The following UTP20 variants were observed in gnomAD, a reference collection of about 807,000 sequenced individuals.
UTP20 encodes the protein UTP20 small subunit processome component.
UTP20 carries 164 observed loss-of-function variants against 329.5 expected under a neutral mutation model. That is an observed-to-expected ratio of 0.50 (90% confidence interval 0.44 to 0.57). UTP20 has a LOEUF of 0.57. UTP20 is among the 20% of genes least tolerant of loss of function. The probability of loss-of-function intolerance (pLI) is 0.00; values close to 1 mark genes in which losing one functional copy is unlikely to be tolerated. For synonymous variants in UTP20, 1,151 were observed against 1,159.3 expected (o/e 0.99, Z 0.14); for missense variants, 3,055 against 3,284.2 (o/e 0.93, Z 1.71).
intron 40 of UTP20, 71 bp from the exon 41 acceptor site, chr12:101,354,761 A>G: frequency 6.6e-7 from 1 of 1,520,354 alleles, no homozygotes; most frequent in South Asian, 1.3e-5. Flanking sequence ...GTTGGTGGGA[A>G]AAACTGCTTA....
At chr12:101,297,869 G>T (rs1337669494) in intron 12 of UTP20, among the ~76,000 whole-genome samples, 1 of 152,116 alleles carries the variant, frequency 6.6e-6, no homozygotes, top group African/African-American at 2.4e-5. Context: ...TCCCAGGAGG[G>T]TGACGTGTTA....
chr12:101,287,646 T>C (rs1872003002), intron 5 of UTP20, among the ~76,000 whole-genome samples: 1 of 152,232 alleles, frequency 6.6e-6, no homozygotes, highest in East Asian at 1.9e-4. Context: ...TTTTCTGTCA[T>C]TAATACTAAC....
At chr12:101,346,682 G>A in intron 38 of UTP20, 94 bp downstream of exon 38, 2 of 1,259,888 alleles carry the variant, frequency 1.6e-6, no homozygotes, top group South Asian at 1.7e-5. Context: ...TTGTGTTGAT[G>A]TCATCACCAT....
chr12:101,348,428 A>AT (rs1869402943), intron 38 of UTP20, among the ~76,000 whole-genome samples: 1 of 151,502 alleles, frequency 6.6e-6, no homozygotes. Context: ...TTATTGAGGG[A>AT]TTTTTGCCAT....
chr12:101,365,072 T>TG lies in UTP20; in HGVS notation c.5959-387_5959-386insG, dbSNP rs1555202433. On this transcript the variant is annotated intron_variant, in intron 45 of 61. Coordinates refer to ENST00000261637, the MANE Select transcript of UTP20 (RefSeq NM_014503.3). ...ATGAGGAGTGAATACATTTTGTTGA[T>TG]TGTGTGTGTGTGTGTGTGTGTGTGT... 1.8e-3 allele frequency among the ~76,000 whole-genome samples: 250 copies of TG among 142,010 alleles called. 3 individuals carry two copies. The highest frequency in any genetic ancestry group is 0.011 in the South Asian group (49 of 4,384). 93.2% of individuals were successfully genotyped at this position (142,010 alleles called of 152,430 possible).
chr12:101,319,775 T>A (rs974127864), intron 23 of UTP20, 140 bp downstream of exon 23: 10 of 623,712 alleles, frequency 1.6e-5, no homozygotes, highest in Middle Eastern at 4.4e-4. Context: ...TTTTTTTTTT[T>A]AATTAATAGA....
intron 57 of UTP20, among the ~76,000 whole-genome samples, chr12:101,379,999 C>T (rs1870590499): frequency 2.6e-5 from 4 of 151,932 alleles, no homozygotes; most frequent in Non-Finnish European, 5.9e-5. Flanking sequence ...AGTTCTTTAT[C>T]GGCATTGGAA....
intron 45 of UTP20, 74 bp downstream of exon 45, chr12:101,363,817 CAA>C (rs1870010567): frequency 1.1e-6 from 1 of 947,734 alleles, no homozygotes; most frequent in African/African-American, 1.6e-5. Context: ...CCATGCGGGG[CAA>C]ACTGAAACAC....
chr12:101,377,276 A>T (rs1208317611), intron 56 of UTP20, among the ~76,000 whole-genome samples: 1 of 152,236 alleles, frequency 6.6e-6, no homozygotes, highest in East Asian at 1.9e-4. Flanking sequence ...ATATAGCAGC[A>T]AGACTAAAAC....
chr12:101,383,528 G>T lies in UTP20; in HGVS notation c.7930-15G>T. 1 of 1,608,638 alleles carries T rather than the reference G, an allele frequency of 6.2e-7. No individual in the cohort carries two copies. Among genetic ancestry groups the T allele is most frequent in the Non-Finnish European group, 8.5e-7 (1 of 1,177,658 alleles). ...GAGAAGTCTTTCAAATGAAAAAAATGATCTGTACTTTCAGAGAACATGCAT... is the reference window on the plus strand; with the variant it reads ...GAGAAGTCTTTCAAATGAAAAAAATTATCTGTACTTTCAGAGAACATGCAT... On this transcript the variant is annotated splice_polypyrimidine_tract_variant and intron_variant, in intron 59 of 61. Transcript: ENST00000261637.
At position 101,317,545 on chromosome 12, in the gene UTP20, A is replaced by G. The variant is rs1476549009; in HGVS notation, c.2620A>G (p.Met874Val). Reference sequence around the variant, plus strand: ...GGATCTACGGAGAAAAGGCAAAGGGATGGTGGCAGAGGAAATCGAAGAGGA... The same window carrying G: ...GGATCTACGGAGAAAAGGCAAAGGGGTGGTGGCAGAGGAAATCGAAGAGGA... ...TQDLRRKGKG[M>V]VAEEIEEEPA... The change falls in exon 22 of 62, where the codon ATG becomes GTG. Residue 874 changes from methionine to valine, a missense_variant. By Grantham distance (21) the Met-to-Val change is conservative (BLOSUM62 1). This residue lies in a region of UTP20 where 2,445 missense variants were observed against 2,575.5 expected (regional missense o/e 0.95). Transcript: ENST00000261637. 3 of 1,614,068 alleles carry G rather than the reference A, an allele frequency of 1.9e-6. No homozygotes were observed. The highest frequency in any genetic ancestry group is 2.5e-6 in the Non-Finnish European group (3 of 1,180,032).
At chr12:101,318,947 A>G (rs986425051) in intron 22 of UTP20, among the ~76,000 whole-genome samples, 3 of 152,166 alleles carry the variant, frequency 2.0e-5, no homozygotes, top group African/African-American at 7.2e-5. Flanking sequence ...TGTATGAAGC[A>G]CAGGGGCAGG....
At position 101,300,787 on chromosome 12, in the gene UTP20, A is replaced by C. The variant is rs551767113; in HGVS notation, c.1675+726A>C. On this transcript the variant is annotated intron_variant, in intron 14 of 61. Coordinates refer to ENST00000261637, the MANE Select transcript of UTP20 (RefSeq NM_014503.3). Reference sequence around the variant, plus strand: ...ACATTCTGTGTTAGATACTAAGCAGACGTATTAGAGAATAAAGTGGACTCG... The same window carrying C: ...ACATTCTGTGTTAGATACTAAGCAGCCGTATTAGAGAATAAAGTGGACTCG... Among the ~76,000 whole-genome samples, 6 of 152,344 alleles carry C rather than the reference A, an allele frequency of 3.9e-5. No homozygotes were observed. In the South Asian group the frequency reaches 1.2e-3, roughly 32 times the overall value.
At chr12:101,286,211 A>G (rs563410132) in intron 4 of UTP20, 110 bp from the exon 5 acceptor site, 101 of 1,012,916 alleles carry the variant, frequency 1.0e-4, no homozygotes, top group Non-Finnish European at 1.4e-4. Flanking sequence ...TTGATTTAGA[A>G]GTATTTTTAT....
At chr12:101,320,253 C>G (rs1273322714) in intron 23 of UTP20, among the ~76,000 whole-genome samples, 3 of 152,132 alleles carry the variant, frequency 2.0e-5, no homozygotes, top group Admixed American at 2.0e-4. Context: ...TCCAGATTCA[C>G]ATAGAGAATC....
At chr12:101,308,450 A>ATAC (rs1353770125) in intron 18 of UTP20, 107 bp downstream of exon 18, 2 of 652,516 alleles carry the variant, frequency 3.1e-6, no homozygotes, top group East Asian at 7.1e-5. Flanking sequence ...AATAATAATA[A>ATAC]TTTAAAAATA....
chr12:101,371,252 T>C lies in UTP20; in HGVS notation c.6798+84T>C, dbSNP rs189906757. 5.1e-4 allele frequency: 491 copies of C among 967,538 alleles called. 2 individuals are homozygous for C. The African/African-American group carries it at 7.2e-3, about 14-fold the overall frequency. The allele number at this position is 967,538 out of a possible 1,614,324, so 59.9% of individuals were successfully genotyped here. On this transcript the variant is annotated intron_variant, in intron 51 of 61. Transcript: ENST00000261637. ...AGAGGTGTCAACACTGGCTGAATTC[T>C]GAAGACCACCTTGTGTCGTATTGTT... is the stretch of plus-strand genomic sequence containing the variant.
At chr12:101,298,138 A>G (rs1248450876) in intron 12 of UTP20, among the ~76,000 whole-genome samples, 1 of 152,222 alleles carries the variant, frequency 6.6e-6, no homozygotes, top group Non-Finnish European at 1.5e-5. Flanking sequence ...AGATAAACTT[A>G]CTGTCGTTTG....
intron 32 of UTP20, 21 bp from the exon 33 acceptor site, chr12:101,342,425 C>A: frequency 1.9e-6 from 3 of 1,576,452 alleles, no homozygotes; most frequent in Admixed American, 2.0e-5. Flanking sequence ...AATATGATTT[C>A]TCTGATTATT....
Sources: gnomAD v4.1 joint callset for allele counts (sites outside exome capture counted in the v4.1 genomes callset) on GRCh38, gnomAD v4.1.1 for gene constraint, gnomAD v4.1.1 regional missense constraint, MANE v1.5 for transcripts, NCBI Gene and HGNC (gene_info 2026-07-23, HGNC 2026-07-21) for gene names.